FNBP1: variants seen among roughly 807,000 people sequenced by gnomAD.
FNBP1 encodes the protein formin-binding protein 1.
In FNBP1, 26 loss-of-function variants were observed where a neutral mutation model predicts 90.6. The ratio of observed to expected loss-of-function variants is 0.29; its 90% CI spans 0.21 to 0.40. FNBP1 has a LOEUF of 0.40. Ranked by LOEUF, FNBP1 falls within the 10% of genes least tolerant of loss-of-function variation. The pLI is 1.00. For synonymous variants in FNBP1, 260 were observed against 265.2 expected, an observed-to-expected ratio of 0.98 and a Z score of 0.19; for missense variants, 635 against 768.0, an observed-to-expected ratio of 0.83 and a Z score of 2.05.
intron 15 of FNBP1, 143 bp from the exon 16 acceptor site, chr9:129,896,139 A>AC: frequency 1.3e-6 from 1 of 759,922 alleles, no homozygotes; most frequent in South Asian, 1.8e-5. Context: ...AGATGCACGG[A>AC]CCCCTCACCC....
intron 6 of FNBP1, among the ~76,000 whole-genome samples, chr9:129,945,151 AAGAAG>A (rs2045045274): frequency 6.6e-6 from 1 of 152,324 alleles, no homozygotes; most frequent in South Asian, 2.1e-4. Flanking sequence ...CACAGACATA[AAGAAG>A]AGAATAATAA....
intron 11 of FNBP1, chr9:129,914,791 A>ATATATATC (rs1385776721): frequency 4.4e-5 from 7 of 159,546 alleles, no homozygotes; most frequent in African/African-American, 8.4e-5. Flanking sequence ...ATATATATAT[A>ATATATATC]TATCTCACCA....
chr9:129,951,418 C>CTATTTATTTATTCATT (rs2046144524), intron 6 of FNBP1, among the ~76,000 whole-genome samples: 1 of 143,528 alleles, frequency 7.0e-6, no homozygotes, highest in Non-Finnish European at 1.5e-5. Context: ...TATATAATTT[C>CTATTTATTTATTCATT]TATTTATTTA....
intron 2 of FNBP1, among the ~76,000 whole-genome samples, chr9:129,982,082 GC>G (rs1383421205): frequency 6.6e-6 from 1 of 152,106 alleles, no homozygotes; most frequent in African/African-American, 2.4e-5. Flanking sequence ...AAAAAACAAT[GC>G]AAAAAAGAGA....
chr9:130,005,676 T>C (rs968508368), intron 1 of FNBP1, among the ~76,000 whole-genome samples: 3 of 152,200 alleles, frequency 2.0e-5, no homozygotes, highest in African/African-American at 4.8e-5. Context: ...TACTCAAATA[T>C]ATTTTTCAAC....
chr9:129,968,343 C>T (rs559506659), intron 4 of FNBP1, among the ~76,000 whole-genome samples: 14 of 145,784 alleles, frequency 9.6e-5, no homozygotes, highest in Non-Finnish European at 1.5e-4. Flanking sequence ...TGCAGTGAGC[C>T]GAGATTGCAC....
intron 8 of FNBP1, among the ~76,000 whole-genome samples, chr9:129,926,261 T>C (rs911808805): frequency 1.3e-5 from 2 of 152,220 alleles, no homozygotes; most frequent in East Asian, 3.9e-4. Context: ...TGTGAGCCAC[T>C]GTGCCCAGCC....
intron 2 of FNBP1, among the ~76,000 whole-genome samples, chr9:129,983,940 T>G (rs2051715518): frequency 6.6e-6 from 1 of 152,092 alleles, no homozygotes; most frequent in African/African-American, 2.4e-5. Context: ...AGGTAGAAAA[T>G]CTCGACTTGT....
At chr9:129,892,366 G>C (rs1312589924) in intron 16 of FNBP1, among the ~76,000 whole-genome samples, 5 of 103,428 alleles carry the variant, frequency 4.8e-5, no homozygotes, top group African/African-American at 2.1e-4. Flanking sequence ...GCACATCGTA[G>C]ACACACACAC....
intron 7 of FNBP1, among the ~76,000 whole-genome samples, chr9:129,928,322 AATC>A: frequency 6.6e-6 from 1 of 152,334 alleles, no homozygotes; most frequent in East Asian, 1.9e-4. Context: ...TTATAACCAC[AATC>A]ATCCCTTTAG....
chr9:129,894,272 G>A (rs776337575), intron 16 of FNBP1, among the ~76,000 whole-genome samples: 2 of 152,090 alleles, frequency 1.3e-5, no homozygotes, highest in Non-Finnish European at 2.9e-5. Context: ...ACAGTGAAAT[G>A]CCTGGCAACC....
intron 1 of FNBP1, among the ~76,000 whole-genome samples, chr9:130,020,766 T>C (rs2057750600): frequency 1.3e-5 from 2 of 152,142 alleles, no homozygotes; most frequent in Non-Finnish European, 2.9e-5. Context: ...CCTTAACAGA[T>C]TCAAGGGAGG....
the FNBP1 span, among the ~76,000 whole-genome samples, chr9:130,049,319 A>G: frequency 6.6e-6 from 1 of 152,170 alleles, no homozygotes; most frequent in Non-Finnish European, 1.5e-5. Flanking sequence ...AGCCTGGTAA[A>G]TTGAGGCTGC....
chr9:129,903,473 T>A (rs759625887), intron 12 of FNBP1, among the ~76,000 whole-genome samples: 5 of 152,072 alleles, frequency 3.3e-5, no homozygotes, highest in African/African-American at 4.8e-5. Context: ...AAATTCTCTA[T>A]AGGAATTCTG....
At chr9:130,034,939 G>A (rs1006790639) in intron 1 of FNBP1, among the ~76,000 whole-genome samples, 1 of 152,126 alleles carries the variant, frequency 6.6e-6, no homozygotes, top group Admixed American at 6.5e-5. Flanking sequence ...TTGAGCCCAG[G>A]AGTTCAAGGC....
At position 129,900,419 on chromosome 9, in the gene FNBP1, A is replaced by G. The variant is rs774968395; in HGVS notation, c.1550+7T>C. 2 of 1,574,204 alleles carry G rather than the reference A, an allele frequency of 1.3e-6. No homozygotes were observed. The highest frequency in any genetic ancestry group is 2.4e-5 in the South Asian group (2 of 84,958). ...TGCCAGAGGCAGGCGCTGTGCAGAT[A>G]CTGTACCTCTCACGGTCCTGGGCGC... is the stretch of plus-strand genomic sequence containing the variant. On this transcript the variant is annotated splice_region_variant and intron_variant, in intron 14 of 16. Transcript: ENST00000446176. The surrounding 1 kb of genome is among the most constrained non-coding windows in gnomAD (Gnocchi z 4.1).
Position 130,024,148 on chromosome 9 carries a change from G to T in FNBP1, c.24+18804C>A, listed in dbSNP as rs933223623. Reference sequence around the variant, plus strand: ...TGGCCAGGCTCAGTGGCTCATGCCTGTAAGTAATCCCAACACTTTGGGAGG... The same window carrying T: ...TGGCCAGGCTCAGTGGCTCATGCCTTTAAGTAATCCCAACACTTTGGGAGG... On this transcript the variant is annotated intron_variant, in intron 1 of 16. Transcript: ENST00000446176. Among the ~76,000 whole-genome samples, 3 of 152,174 alleles carry T rather than the reference G, an allele frequency of 2.0e-5. No homozygotes were observed. The East Asian group carries it at 5.8e-4, about 29-fold the overall frequency.
At chr9:130,025,920 T>C (rs1447262266) in intron 1 of FNBP1, among the ~76,000 whole-genome samples, 1 of 151,814 alleles carries the variant, frequency 6.6e-6, no homozygotes, top group Non-Finnish European at 1.5e-5. Context: ...ACAGACTCTA[T>C]CTCAAAAAAA....
chr9:130,050,816 T>G, the FNBP1 span, among the ~76,000 whole-genome samples: 37 of 29,248 alleles, frequency 1.3e-3, no homozygotes, highest in Non-Finnish European at 5.3e-3. Context: ...ATTTTTGTGT[T>G]TTTTTTTTGT....
Sources: allele counts gnomAD v4.1 joint callset (sites outside exome capture counted in the v4.1 genomes callset), GRCh38; gene constraint gnomAD v4.1.1; non-coding constraint Gnocchi (gnomAD v3.1); transcripts MANE v1.5; gene names NCBI Gene and HGNC (gene_info 2026-07-23, HGNC 2026-07-21).